Variants in TNIK observed in about 807,000 individuals in gnomAD.
The protein encoded by TNIK is TRAF2 and NCK interacting kinase, also known as TRAF2 and NCK-interacting protein kinase.
Under a neutral mutation model 191.3 loss-of-function variants are expected in TNIK, and 49 were observed. The ratio of observed to expected loss-of-function variants is 0.26; its 90% confidence interval spans 0.20 to 0.32. TNIK has a LOEUF of 0.32. Ranked by LOEUF, TNIK falls within the 10% of genes least tolerant of loss-of-function variation. The probability of loss-of-function intolerance (pLI) is 1.00; values close to 1 mark genes in which losing one functional copy is unlikely to be tolerated. For synonymous variants in TNIK, 594 were observed against 600.9 expected (o/e 0.99, Z 0.17); for missense variants, 1,155 against 1,702.3 (o/e 0.68, Z 5.66).
chr3:171,246,248 T>C (rs1216776956), intron 2 of TNIK, among the ~76,000 whole-genome samples: 1 of 150,100 alleles, frequency 6.7e-6, no homozygotes, highest in African/African-American at 2.5e-5. Context: ...CCATGAGTAA[T>C]AAATTAGATC....
At chr3:171,174,430 T>C (rs1278170789) in intron 9 of TNIK, among the ~76,000 whole-genome samples, 2 of 152,148 alleles carry the variant, frequency 1.3e-5, no homozygotes, top group East Asian at 3.9e-4. Context: ...AATCCGAGAT[T>C]CAAGAATGTA....
chr3:171,372,556 A>G (rs1481172804), intron 1 of TNIK, among the ~76,000 whole-genome samples: 1 of 152,234 alleles, frequency 6.6e-6, no homozygotes, highest in Non-Finnish European at 1.5e-5. Context: ...TGCTGGAGCT[A>G]GGACAGCCCT....
intron 2 of TNIK, among the ~76,000 whole-genome samples, chr3:171,251,543 G>A (rs184556413): frequency 6.6e-6 from 1 of 152,290 alleles, no homozygotes; most frequent in African/African-American, 2.4e-5. Context: ...GCCATTGCAA[G>A]GTGCTCCTTA....
At chr3:171,141,277 ATC>A (rs1045336571) in intron 12 of TNIK, among the ~76,000 whole-genome samples, 30 of 152,218 alleles carry the variant, frequency 2.0e-4, no homozygotes, top group African/African-American at 7.2e-4. Context: ...TCTCCATTTT[ATC>A]TGAGAAAACT....
intron 21 of TNIK, among the ~76,000 whole-genome samples, chr3:171,103,334 A>G (rs1400238708): frequency 6.6e-6 from 1 of 152,148 alleles, no homozygotes. Flanking sequence ...AAACCATAAC[A>G]TAGGTATAAT....
chr3:171,143,576 C>T (rs955473838), intron 12 of TNIK, among the ~76,000 whole-genome samples: 1 of 152,220 alleles, frequency 6.6e-6, no homozygotes, highest in Admixed American at 6.5e-5. Flanking sequence ...AATTTTTCCT[C>T]CTGTCAATAC....
At chr3:171,197,389 A>G (rs957864132) in intron 4 of TNIK, among the ~76,000 whole-genome samples, 3 of 152,152 alleles carry the variant, frequency 2.0e-5, no homozygotes, top group Non-Finnish European at 4.4e-5. Context: ...ACCAAAATAA[A>G]AAAAAAAGAA....
At chr3:171,292,399 C>T (rs1751779779) in intron 2 of TNIK, among the ~76,000 whole-genome samples, 1 of 152,184 alleles carries the variant, frequency 6.6e-6, no homozygotes, top group Non-Finnish European at 1.5e-5. Flanking sequence ...AAACTGCAAA[C>T]CCTGTCTTGT....
intron 1 of TNIK, among the ~76,000 whole-genome samples, chr3:171,425,999 A>G (rs1724514753): frequency 6.6e-6 from 1 of 152,128 alleles, no homozygotes; most frequent in African/African-American, 2.4e-5. Flanking sequence ...CAGTGTGGCG[A>G]TTTCTCAGGG....
chr3:171,145,923 T>G (rs1731507908), intron 12 of TNIK, among the ~76,000 whole-genome samples: 3 of 152,182 alleles, frequency 2.0e-5, no homozygotes, highest in Admixed American at 1.3e-4. Context: ...TTATGATGTC[T>G]TCAAAATAGC....
At chr3:171,427,927 A>G (rs1007236749) in intron 1 of TNIK, among the ~76,000 whole-genome samples, 3 of 152,156 alleles carry the variant, frequency 2.0e-5, no homozygotes, top group Admixed American at 2.0e-4. Context: ...GAGCACTCCT[A>G]CGTGAGAGGA....
intron 4 of TNIK, among the ~76,000 whole-genome samples, chr3:171,207,249 T>C (rs1401568545): frequency 6.6e-6 from 1 of 152,146 alleles, no homozygotes; most frequent in Admixed American, 6.6e-5. Flanking sequence ...TTCAGAAACC[T>C]CTGTAGTATT....
Position 171,228,338 on chromosome 3 carries a change from G to A in TNIK, c.124-117C>T, listed in dbSNP as rs1743200211. ...GCTGTACTATGTCAATGGGGGGAGA[G>A]AGAAAGACAGACACACACAGAAACA... On this transcript the variant is annotated intron_variant, in intron 2 of 32. Transcript: ENST00000436636. 5 of 947,936 alleles carry A rather than the reference G, an allele frequency of 5.3e-6. No homozygotes were observed. The Admixed American group carries it at 6.7e-5, about 13-fold the overall frequency. 58.7% of individuals were successfully genotyped at this position (947,936 alleles called of 1,614,324 possible). A position where few individuals can be genotyped will look rare whatever the true frequency, so the allele number is the denominator to read the frequency against.
chr3:171,228,583 G>A (rs1034489449), intron 2 of TNIK, among the ~76,000 whole-genome samples: 25 of 152,158 alleles, frequency 1.6e-4, no homozygotes, highest in African/African-American at 5.8e-4. Flanking sequence ...GAAAACACTC[G>A]GTAGATGAAG....
chr3:171,281,231 A>G (rs1178144970), intron 2 of TNIK, among the ~76,000 whole-genome samples: 1 of 152,150 alleles, frequency 6.6e-6, no homozygotes, highest in African/African-American at 2.4e-5. Context: ...GTAATAGAAG[A>G]GAAGAAAGGT....
chr3:171,219,936 T>G (rs138413632), intron 3 of TNIK, among the ~76,000 whole-genome samples: 1 of 152,166 alleles, frequency 6.6e-6, no homozygotes, highest in African/African-American at 2.4e-5. Flanking sequence ...TAAAGACACA[T>G]GCACATGTAT....
chr3:171,403,565 G>C (rs1352167287), intron 1 of TNIK, among the ~76,000 whole-genome samples: 1 of 145,778 alleles, frequency 6.9e-6, no homozygotes, highest in Non-Finnish European at 1.5e-5. Flanking sequence ...AGTGAGCCGG[G>C]ATCGTGCCAC....
At chr3:171,119,969 C>T (rs990616333) in intron 18 of TNIK, among the ~76,000 whole-genome samples, 3 of 152,072 alleles carry the variant, frequency 2.0e-5, no homozygotes, top group Non-Finnish European at 2.9e-5. Context: ...CTCCATAGGG[C>T]TCTTTTGGAT....
chr3:171,401,926 G>A (rs1721005236), intron 1 of TNIK, among the ~76,000 whole-genome samples: 1 of 152,146 alleles, frequency 6.6e-6, no homozygotes, highest in Non-Finnish European at 1.5e-5. Flanking sequence ...TTTATTTCTG[G>A]AACCAAGCAA....
Sources: gnomAD v4.1 joint callset for allele counts (sites outside exome capture counted in the v4.1 genomes callset) on GRCh38, gnomAD v4.1.1 for gene constraint, MANE v1.5 for transcripts, NCBI Gene and HGNC (gene_info 2026-07-23, HGNC 2026-07-21) for gene names.